The following HMCES variants were observed in gnomAD, a reference collection of about 807,000 sequenced individuals.
HMCES encodes the protein 5-hydroxymethylcytosine binding, ES cell specific.
A neutral mutation model predicts 35.1 loss-of-function variants in HMCES; 27 were observed. That is an observed-to-expected ratio of 0.77 (90% CI 0.57 to 1.06). The LOEUF is 1.06. HMCES is among the 50% of genes least tolerant of loss of function. The pLI, the probability that HMCES is intolerant of heterozygous loss-of-function variation, is 0.00. For missense variants in HMCES, 391 were observed against 430.4 expected, an observed-to-expected ratio of 0.91 and a Z score of 0.81; for synonymous variants, 130 against 154.7, an observed-to-expected ratio of 0.84 and a Z score of 1.18.
At chr3:129,290,190 C>CAA (rs747358663) in intron 3 of HMCES, among the ~76,000 whole-genome samples, 880 of 60,944 alleles carry the variant, frequency 0.014, 15 homozygotes, top group African/African-American at 0.044. Context: ...GACTCCGTCT[C>CAA]AAAAAAAAAA....
Position 129,290,792 on chromosome 3 carries a change from C to T in HMCES, c.441C>T (p.Ile147=), listed in dbSNP as rs766621458. The T allele has an allele frequency of 6.2e-7, 1 of 1,612,998 alleles. No individual in the cohort carries two copies. Among genetic ancestry groups the T allele is most frequent in the Admixed American group, 1.7e-5 (1 of 60,004 alleles). ...CATACTTCATCTATTTTCCTCAAAT[C>T]AAGACAGAGAAGGTATCATTATCAG... The part of the protein sequence containing the change: ...RQPYFIYFPQ[I]KTEKSGSIGA... The change falls in exon 4 of 7, where the codon ATC becomes ATT. Residue 147 remains isoleucine, a synonymous_variant. Transcript: ENST00000383463.
At chr3:129,299,060 A>G (rs2071128858) in intron 5 of HMCES, among the ~76,000 whole-genome samples, 1 of 152,208 alleles carries the variant, frequency 6.6e-6, no homozygotes, top group Admixed American at 6.5e-5. Context: ...AGGCAAGAGA[A>G]TGGTGTGACC....
At chr3:129,284,784 T>G (rs1560072937) in intron 2 of HMCES, among the ~76,000 whole-genome samples, 1 of 152,184 alleles carries the variant, frequency 6.6e-6, no homozygotes, top group Non-Finnish European at 1.5e-5. Flanking sequence ...TAGTGGCACA[T>G]GCCTATAATC....
chr3:129,290,758 A>G lies in HMCES; in HGVS notation c.407A>G (p.Gln136Arg). The change falls in exon 4 of 7, where the codon CAG becomes CGG. Residue 136 changes from glutamine (Q) to arginine (R), a missense_variant. Physicochemically the swap from Gln to Arg is conservative, Grantham distance 43. Transcript: ENST00000383463. ...YEWQRCQGTN[Q>R]RQPYFIYFPQ... ...TGGCAGCGATGTCAGGGAACAAACC[A>G]GAGGCAGCCATACTTCATCTATTTT... is the stretch of plus-strand genomic sequence containing the variant. 1 of 1,613,486 alleles carries G rather than the reference A, an allele frequency of 6.2e-7. No homozygotes were observed. The highest frequency in any genetic ancestry group is 8.5e-7 in the Non-Finnish European group (1 of 1,179,462).
At chr3:129,282,062 A>C (rs1560072102) in intron 2 of HMCES, among the ~76,000 whole-genome samples, 1 of 152,166 alleles carries the variant, frequency 6.6e-6, no homozygotes, top group Non-Finnish European at 1.5e-5. Context: ...TGAGAGGGGA[A>C]TCAAAATAAA....
chr3:129,302,702 C>T lies in HMCES; in HGVS notation c.828+560C>T, dbSNP rs576975708. ...ACTGCACTCCAGCTTGGTGACAGGG[C>T]GAGACTGCGTTTCAAAAAAAAGAAG... On this transcript the variant is annotated intron_variant, in intron 6 of 6. Transcript: ENST00000383463. Among the ~76,000 whole-genome samples, 55 of 151,704 alleles carry T rather than the reference C, an allele frequency of 3.6e-4. 1 individual carries two copies. In the South Asian group the frequency reaches 0.011, roughly 31 times the overall value.
At chr3:129,291,906 C>T (rs2071023344) in intron 4 of HMCES, among the ~76,000 whole-genome samples, 1 of 152,088 alleles carries the variant, frequency 6.6e-6, no homozygotes, top group African/African-American at 2.4e-5. Flanking sequence ...ATCTGGGCAA[C>T]ATGGCGAAAA....
At chr3:129,290,057 G>C (rs372833769) in intron 3 of HMCES, among the ~76,000 whole-genome samples, 1 of 151,618 alleles carries the variant, frequency 6.6e-6, no homozygotes, top group Admixed American at 6.6e-5. Context: ...CGTGGTGGCG[G>C]ACGCCTGTAG....
intron 4 of HMCES, among the ~76,000 whole-genome samples, chr3:129,291,235 T>C (rs570023958): frequency 1.1e-4 from 17 of 152,316 alleles, no homozygotes; most frequent in African/African-American, 3.8e-4. Flanking sequence ...AATGAGCTCA[T>C]TGAGAGATAA....
chr3:129,291,089 C>T (rs2071009709), intron 4 of HMCES, among the ~76,000 whole-genome samples: 1 of 152,020 alleles, frequency 6.6e-6, no homozygotes, highest in African/African-American at 2.4e-5. Flanking sequence ...GTAGTCCCAG[C>T]TACTCGGAAG....
At chr3:129,304,129 G>A (rs1198773288) in intron 6 of HMCES, among the ~76,000 whole-genome samples, 2 of 152,170 alleles carry the variant, frequency 1.3e-5, no homozygotes, top group Non-Finnish European at 2.9e-5. Flanking sequence ...CAGGATTGGG[G>A]TGTGATGTAA....
At chr3:129,297,133 T>G (rs891616699) in intron 4 of HMCES, among the ~76,000 whole-genome samples, 1 of 152,142 alleles carries the variant, frequency 6.6e-6, no homozygotes, top group Non-Finnish European at 1.5e-5. Flanking sequence ...TCAGCAGCCC[T>G]CCTCTCTTCA....
chr3:129,301,191 C>CAAAA (rs11402453), intron 5 of HMCES, among the ~76,000 whole-genome samples: 9 of 92,908 alleles, frequency 9.7e-5, no homozygotes, highest in African/African-American at 1.3e-4. Flanking sequence ...GACTCTGTCT[C>CAAAA]AAAAAAAAAA....
rs187193370 is a variant in HMCES at position 129,288,846 on chromosome 3, C to T, written c.184-8C>T. On this transcript the variant is annotated splice_polypyrimidine_tract_variant and splice_region_variant and intron_variant, in intron 2 of 6. Coordinates refer to ENST00000383463, the MANE Select transcript of HMCES (RefSeq NM_020187.3). ...TGATCTCCTCACTAGATCTTCTCTC[C>T]GTGGCAGGATGCAGACTCATCTGAG... 13 of 1,498,824 alleles carry T rather than the reference C, an allele frequency of 8.7e-6. No homozygotes were observed. In the East Asian group the frequency reaches 9.3e-5, roughly 11 times the overall value. The allele number at this position is 1,498,824 out of a possible 1,614,324, so 92.8% of individuals were successfully genotyped here. A position where few individuals can be genotyped will look rare whatever the true frequency, so the allele number is the denominator to read the frequency against.
chr3:129,301,210 G>GAA (rs71972836), intron 5 of HMCES, among the ~76,000 whole-genome samples: 5 of 95,560 alleles, frequency 5.2e-5, no homozygotes, highest in East Asian at 5.7e-4. Flanking sequence ...AAAAAAAGAA[G>GAA]AAAAAAAAAA....
intron 2 of HMCES, among the ~76,000 whole-genome samples, 162 bp from the exon 3 acceptor site, chr3:129,288,692 T>C (rs1295706120): frequency 1.3e-5 from 2 of 151,608 alleles, no homozygotes; most frequent in Admixed American, 6.6e-5. Flanking sequence ...CCAGACCTTA[T>C]CTCAAAAAAA....
At chr3:129,295,763 C>T (rs1335520797) in intron 4 of HMCES, among the ~76,000 whole-genome samples, 1 of 152,146 alleles carries the variant, frequency 6.6e-6, no homozygotes, top group Non-Finnish European at 1.5e-5. Context: ...CCTTCCCCTC[C>T]ACCTCCCTCC....
At position 129,302,118 on chromosome 3, in the gene HMCES, T is replaced by C; in HGVS notation, c.804T>C (p.Ala268=). 6.2e-7 allele frequency: 1 copy of C among 1,613,124 alleles called. No homozygotes were observed. Among genetic ancestry groups the C allele is most frequent in the Non-Finnish European group, 8.5e-7 (1 of 1,179,706 alleles). ...NSRNNTPECL[A]PVDLVVKKEL... is the part of the protein sequence containing the mutation. ...GAAACAACACTCCTGAGTGTCTGGC[T>C]CCTGTCGACTTGGTGGTCAAAAAGG... Residue 268 remains alanine, a synonymous_variant, in exon 6 of 7, where the codon GCT becomes GCC. Transcript: ENST00000383463.
intron 4 of HMCES, among the ~76,000 whole-genome samples, chr3:129,291,450 T>A (rs937004283): frequency 1.3e-5 from 2 of 152,242 alleles, no homozygotes; most frequent in African/African-American, 2.4e-5. Context: ...TTTGCCTATT[T>A]TGGACATTTC....
Sources: allele counts gnomAD v4.1 joint callset (sites outside exome capture counted in the v4.1 genomes callset), GRCh38; gene constraint gnomAD v4.1.1; transcripts MANE v1.5; gene names NCBI Gene and HGNC (gene_info 2026-07-23, HGNC 2026-07-21).